The following DLGAP1 variants were observed in gnomAD, a reference collection of about 807,000 sequenced individuals.
DLGAP1 encodes DLG associated protein 1, also known as disks large-associated protein 1.
A neutral mutation model predicts 90.8 loss-of-function variants in DLGAP1; 11 were observed. That is an observed-to-expected ratio of 0.12 (90% confidence interval 0.08 to 0.20). DLGAP1 has a LOEUF of 0.20. Among genes scored for constraint, DLGAP1 ranks in the 10% least tolerant of loss-of-function variants. The pLI, the probability that DLGAP1 is intolerant of heterozygous loss-of-function variation, is 1.00. For missense variants in DLGAP1, 1,050 were observed against 1,333.8 expected (o/e 0.79, Z 3.31); for synonymous variants, 558 against 540.7 (o/e 1.03, Z -0.44).
intron 2 of DLGAP1, among the ~76,000 whole-genome samples, chr18:4,122,893 GT>G (rs1348284124): frequency 6.6e-6 from 1 of 152,146 alleles, no homozygotes; most frequent in East Asian, 1.9e-4. Flanking sequence ...GGAGATGGCT[GT>G]CCCTCTCCTA....
intron 5 of DLGAP1, among the ~76,000 whole-genome samples, chr18:3,793,218 G>A (rs766676424): frequency 6.6e-6 from 1 of 152,090 alleles, no homozygotes; most frequent in Non-Finnish European, 1.5e-5. Flanking sequence ...CCAATGGCCA[G>A]CTCTGTTTTC....
intron 1 of DLGAP1, among the ~76,000 whole-genome samples, chr18:4,290,944 G>A (rs2079833668): frequency 6.6e-6 from 1 of 152,104 alleles, no homozygotes; most frequent in Admixed American, 6.6e-5. Flanking sequence ...GTGTGAATAA[G>A]AAAATGAGCA....
chr18:4,251,265 A>C (rs1054644691), intron 1 of DLGAP1, among the ~76,000 whole-genome samples: 48 of 152,234 alleles, frequency 3.2e-4, no homozygotes, highest in African/African-American at 1.2e-3. Flanking sequence ...TTCTCTTAAG[A>C]AAGTTTTCCA....
At chr18:4,187,368 C>T (rs1320146912) in intron 1 of DLGAP1, among the ~76,000 whole-genome samples, 1 of 152,028 alleles carries the variant, frequency 6.6e-6, no homozygotes, top group Non-Finnish European at 1.5e-5. Context: ...CCAGTGAACG[C>T]TCCTTTAAAC....
intron 2 of DLGAP1, among the ~76,000 whole-genome samples, chr18:4,118,111 C>T (rs8092470): frequency 0.061 from 9,267 of 152,054 alleles, 902 homozygotes; most frequent in African/African-American, 0.2. Context: ...GTAGCTTGCA[C>T]CATGGAGCTA....
intron 3 of DLGAP1, among the ~76,000 whole-genome samples, chr18:3,939,416 C>CA (rs10591716): frequency 0.021 from 1,713 of 81,782 alleles, 27 homozygotes; most frequent in African/African-American, 0.055. Context: ...GATTCTGTCT[C>CA]AAAAAAAAAA....
At chr18:3,636,876 C>G (rs1413144672) in intron 7 of DLGAP1, among the ~76,000 whole-genome samples, 2 of 151,008 alleles carry the variant, frequency 1.3e-5, no homozygotes, top group East Asian at 2.0e-4. Flanking sequence ...AGGTGCACAC[C>G]ACCACACCTG....
chr18:3,682,661 G>A (rs1333589493), intron 7 of DLGAP1, among the ~76,000 whole-genome samples: 2 of 152,178 alleles, frequency 1.3e-5, no homozygotes. Flanking sequence ...GTAATCTGTA[G>A]TGAGGCAGCT....
chr18:3,525,037 C>G (rs1192338607), intron 10 of DLGAP1, among the ~76,000 whole-genome samples: 3 of 150,976 alleles, frequency 2.0e-5, no homozygotes, highest in African/African-American at 7.3e-5. Context: ...AATGGATTCT[C>G]TAGTAGAAGT....
intron 1 of DLGAP1, among the ~76,000 whole-genome samples, chr18:4,258,240 C>T (rs1169552542): frequency 1.3e-5 from 2 of 152,012 alleles, no homozygotes; most frequent in African/African-American, 2.4e-5. Context: ...GATGAGGTCT[C>T]GTTGTGTTGC....
intron 10 of DLGAP1, among the ~76,000 whole-genome samples, chr18:3,523,670 A>AC (rs1337140916): frequency 2.0e-5 from 3 of 152,092 alleles, no homozygotes; most frequent in South Asian, 2.1e-4. Flanking sequence ...ACACGGTGAA[A>AC]CCCCGTCTCT....
chr18:3,965,983 A>G (rs1351316624), intron 3 of DLGAP1, among the ~76,000 whole-genome samples: 1 of 151,370 alleles, frequency 6.6e-6, no homozygotes, highest in Non-Finnish European at 1.5e-5. Context: ...TAAGAAGACA[A>G]AATCTCTGCC....
intron 2 of DLGAP1, among the ~76,000 whole-genome samples, chr18:4,061,157 G>T (rs1267553579): frequency 6.6e-6 from 1 of 152,132 alleles, no homozygotes; most frequent in Non-Finnish European, 1.5e-5. Context: ...AAAAGTAAAA[G>T]TTGCCAAGAG....
chr18:4,257,039 G>A (rs903109426), intron 1 of DLGAP1, among the ~76,000 whole-genome samples: 1 of 152,216 alleles, frequency 6.6e-6, no homozygotes, highest in Non-Finnish European at 1.5e-5. Flanking sequence ...GGATGTGAAT[G>A]TTAGCACGTG....
intron 1 of DLGAP1, among the ~76,000 whole-genome samples, chr18:4,227,671 A>T (rs1007387396): frequency 1.3e-5 from 2 of 151,794 alleles, no homozygotes; most frequent in Non-Finnish European, 2.9e-5. Flanking sequence ...AACACAATAT[A>T]CAAAACCTAT....
intron 10 of DLGAP1, among the ~76,000 whole-genome samples, chr18:3,511,365 T>C (rs1177031472): frequency 6.6e-6 from 1 of 152,188 alleles, no homozygotes; most frequent in African/African-American, 2.4e-5. Context: ...CTTCCAAAAG[T>C]AAATTTCACA....
chr18:4,167,207 A>G, intron 1 of DLGAP1, among the ~76,000 whole-genome samples: 1 of 152,298 alleles, frequency 6.6e-6, no homozygotes, highest in East Asian at 1.9e-4. Flanking sequence ...ATTATCTTAA[A>G]TATAAATTAT....
At chr18:3,605,273 G>T (rs1428402044) in intron 7 of DLGAP1, among the ~76,000 whole-genome samples, 1 of 152,112 alleles carries the variant, frequency 6.6e-6, no homozygotes, top group Non-Finnish European at 1.5e-5. Flanking sequence ...GCTTACGTTC[G>T]ACCTCTTCCA....
intron 5 of DLGAP1, among the ~76,000 whole-genome samples, chr18:3,778,982 C>T (rs576317126): frequency 2.6e-5 from 4 of 152,272 alleles, no homozygotes; most frequent in South Asian, 2.1e-4. Context: ...AGCTCACCCT[C>T]CATATCATAT....
Sources: gnomAD v4.1 joint callset for allele counts (sites outside exome capture counted in the v4.1 genomes callset) on GRCh38, gnomAD v4.1.1 for gene constraint, MANE v1.5 for transcripts, NCBI Gene and HGNC (gene_info 2026-07-23, HGNC 2026-07-21) for gene names.